Variants in GRIP1 observed in about 807,000 individuals in gnomAD.
GRIP1 encodes the protein glutamate receptor interacting protein 1, also known as glutamate receptor-interacting protein 1.
GRIP1 carries 45 observed loss-of-function variants against 129.9 expected under a neutral mutation model. The ratio of observed to expected loss-of-function variants is 0.35; its 90% CI spans 0.27 to 0.44. GRIP1 has a LOEUF of 0.44. Ranked by LOEUF, GRIP1 falls within the 20% of genes least tolerant of loss-of-function variation. GRIP1 has a pLI of 1.00. For missense variants in GRIP1, 1,196 were observed against 1,396.8 expected (o/e 0.86, Z 2.29); for synonymous variants, 530 against 520.8 (o/e 1.02, Z -0.24).
At chr12:66,587,710 A>G (rs1312664396) in intron 2 of GRIP1, among the ~76,000 whole-genome samples, 2 of 152,212 alleles carry the variant, frequency 1.3e-5, no homozygotes, top group African/African-American at 4.8e-5. Flanking sequence ...TGTAGCGAGC[A>G]AGTAAAGGAT....
At chr12:66,496,153 A>G (rs1251441525) in intron 7 of GRIP1, among the ~76,000 whole-genome samples, 1 of 152,148 alleles carries the variant, frequency 6.6e-6, no homozygotes, top group East Asian at 1.9e-4. Context: ...TGAGCTGGAA[A>G]TGTAGTCTCG....
At chr12:66,723,327 T>TTTTTTTTC in intron 1 of GRIP1, among the ~76,000 whole-genome samples, 1 of 95,826 alleles carries the variant, frequency 1.0e-5, no homozygotes, top group Non-Finnish European at 1.9e-5. Flanking sequence ...TTTTTTTTTT[T>TTTTTTTTC]TTTGAGACAG....
intron 14 of GRIP1, among the ~76,000 whole-genome samples, chr12:66,429,642 G>A (rs2058087342): frequency 6.6e-6 from 1 of 152,132 alleles, no homozygotes; most frequent in African/African-American, 2.4e-5. Context: ...GCCGCAGTGA[G>A]CCCTAATAGT....
intron 1 of GRIP1, among the ~76,000 whole-genome samples, chr12:66,856,986 A>T (rs2040017170): frequency 6.6e-6 from 1 of 152,142 alleles, no homozygotes; most frequent in Non-Finnish European, 1.5e-5. Flanking sequence ...ATGTCCAACA[A>T]TGATAGACTG....
At chr12:66,689,576 T>C (rs1176757052) in intron 1 of GRIP1, among the ~76,000 whole-genome samples, 11 of 152,238 alleles carry the variant, frequency 7.2e-5, no homozygotes. Context: ...ATTCAAGGTA[T>C]ACAACATGAT....
intron 1 of GRIP1, among the ~76,000 whole-genome samples, chr12:67,022,409 G>A (rs1337039515): frequency 6.6e-6 from 1 of 152,114 alleles, no homozygotes; most frequent in African/African-American, 2.4e-5. Context: ...TTATGTACAT[G>A]TATTTTTATG....
chr12:66,521,284 TA>T (rs1439411720), intron 5 of GRIP1, among the ~76,000 whole-genome samples: 1 of 152,272 alleles, frequency 6.6e-6, no homozygotes. Flanking sequence ...ATTGATTTGT[TA>T]AGTGACTGGC....
chr12:67,038,688 G>T (rs1445692967), intron 1 of GRIP1, among the ~76,000 whole-genome samples: 1 of 152,176 alleles, frequency 6.6e-6, no homozygotes, highest in Non-Finnish European at 1.5e-5. Context: ...GAAAGGAAAG[G>T]TTTGAGGAAG....
intron 1 of GRIP1, among the ~76,000 whole-genome samples, chr12:67,062,414 C>T (rs1038791626): frequency 1.3e-5 from 2 of 152,174 alleles, no homozygotes; most frequent in African/African-American, 4.8e-5. Context: ...ATACCATGCT[C>T]CTTGCCTGAA....
chr12:66,689,039 G>A (rs2034884459), intron 1 of GRIP1, among the ~76,000 whole-genome samples: 1 of 152,138 alleles, frequency 6.6e-6, no homozygotes, highest in Non-Finnish European at 1.5e-5. Context: ...CAGGCAAGCA[G>A]CTACTAGAGG....
At chr12:66,491,642 A>C (rs2060106438) in intron 7 of GRIP1, among the ~76,000 whole-genome samples, 1 of 152,212 alleles carries the variant, frequency 6.6e-6, no homozygotes, top group Non-Finnish European at 1.5e-5. Context: ...GAAAAAAATA[A>C]GAGCAAAAAC....
intron 1 of GRIP1, among the ~76,000 whole-genome samples, chr12:66,854,670 A>T (rs1030341368): frequency 6.6e-6 from 1 of 152,150 alleles, no homozygotes; most frequent in South Asian, 2.1e-4. Flanking sequence ...GTAAGACAGG[A>T]ATTAAAATGC....
chr12:66,399,284 G>A (rs954047828), intron 16 of GRIP1, among the ~76,000 whole-genome samples: 1 of 151,818 alleles, frequency 6.6e-6, no homozygotes, highest in Non-Finnish European at 1.5e-5. Flanking sequence ...AACTCAACTG[G>A]TGAGGCCCTG....
chr12:66,474,810 C>A (rs984104838), intron 7 of GRIP1, among the ~76,000 whole-genome samples: 11 of 152,304 alleles, frequency 7.2e-5, no homozygotes, highest in South Asian at 2.1e-4. Context: ...GCCTGCCCTA[C>A]AAGAGCTCCT....
At chr12:66,797,537 A>G (rs775146682) in intron 1 of GRIP1, among the ~76,000 whole-genome samples, 11 of 152,184 alleles carry the variant, frequency 7.2e-5, no homozygotes, top group Non-Finnish European at 1.5e-4. Context: ...TAGTCCCATT[A>G]AGAGAATTAT....
intron 1 of GRIP1, among the ~76,000 whole-genome samples, chr12:67,057,147 T>C (rs956792117): frequency 6.6e-6 from 1 of 152,122 alleles, no homozygotes; most frequent in Non-Finnish European, 1.5e-5. Flanking sequence ...CCCAAATTCA[T>C]ACATTGAATC....
chr12:66,806,797 C>CTATTTT, upstream of GRIP1, among the ~76,000 whole-genome samples: 1 of 142,546 alleles, frequency 7.0e-6, no homozygotes, highest in Admixed American at 7.0e-5. Flanking sequence ...ACATAAGCAC[C>CTATTTT]TATTTTTTTT....
chr12:66,650,322 T>C (rs2032703176), intron 1 of GRIP1, among the ~76,000 whole-genome samples: 1 of 152,184 alleles, frequency 6.6e-6, no homozygotes, highest in Non-Finnish European at 1.5e-5. Flanking sequence ...CCATGACAGA[T>C]TTATTTCTTA....
At chr12:66,750,129 A>G (rs1021355756) in intron 1 of GRIP1, among the ~76,000 whole-genome samples, 2 of 152,200 alleles carry the variant, frequency 1.3e-5, no homozygotes, top group Non-Finnish European at 2.9e-5. Flanking sequence ...AGCAGAGATT[A>G]TATCAGCTTA....
Sources: allele counts gnomAD v4.1 joint callset (sites outside exome capture counted in the v4.1 genomes callset), GRCh38; gene constraint gnomAD v4.1.1; transcripts MANE v1.5; gene names NCBI Gene and HGNC (gene_info 2026-07-23, HGNC 2026-07-21).